BRINP3: variants seen among roughly 807,000 people sequenced by gnomAD.
The protein encoded by BRINP3 is BMP/retinoic acid inducible neural specific 3.
A neutral mutation model predicts 71.0 loss-of-function variants in BRINP3; 19 were observed. The observed-to-expected ratio is 0.27, with a 90% CI of 0.19 to 0.39. The LOEUF is 0.39. BRINP3 is among the 10% of genes least tolerant of loss of function. BRINP3 has a pLI of 1.00. For synonymous variants in BRINP3, 380 were observed against 337.7 expected (o/e 1.13, Z -1.37); for missense variants, 959 against 940.8 (o/e 1.02, Z -0.25).
At chr1:190,203,017 GC>G (rs1352962077) in intron 6 of BRINP3, among the ~76,000 whole-genome samples, 2 of 151,986 alleles carry the variant, frequency 1.3e-5, no homozygotes, top group Non-Finnish European at 2.9e-5. Context: ...AATAAACATG[GC>G]CTAGGAAGCT....
intron 7 of BRINP3, among the ~76,000 whole-genome samples, chr1:190,136,733 T>A (rs1404755913): frequency 6.6e-6 from 1 of 152,030 alleles, no homozygotes; most frequent in Non-Finnish European, 1.5e-5. Context: ...TTACCTTAAT[T>A]TTTACTCATA....
At chr1:190,305,434 T>C (rs981284966) in intron 2 of BRINP3, among the ~76,000 whole-genome samples, 1 of 151,922 alleles carries the variant, frequency 6.6e-6, no homozygotes, top group Non-Finnish European at 1.5e-5. Context: ...AAAAAACTCC[T>C]GTCATTTGCA....
chr1:190,314,747 G>C (rs567289135), intron 2 of BRINP3, among the ~76,000 whole-genome samples: 1 of 152,292 alleles, frequency 6.6e-6, no homozygotes, highest in South Asian at 2.1e-4. Context: ...CACTAAGCTT[G>C]TGGTAATTTG....
At chr1:190,368,189 G>A (rs1669631261) in intron 2 of BRINP3, among the ~76,000 whole-genome samples, 1 of 152,094 alleles carries the variant, frequency 6.6e-6, no homozygotes, top group South Asian at 2.1e-4. Context: ...GAGGCCTCAG[G>A]AAACTTACAA....
chr1:190,237,528 T>C (rs879940985), intron 4 of BRINP3, among the ~76,000 whole-genome samples: 1 of 151,948 alleles, frequency 6.6e-6, no homozygotes, highest in Non-Finnish European at 1.5e-5. Flanking sequence ...CAAATTCCCA[T>C]GATGGAAATT....
At chr1:190,340,014 A>C (rs556337593) in intron 2 of BRINP3, among the ~76,000 whole-genome samples, 2 of 152,062 alleles carry the variant, frequency 1.3e-5, no homozygotes, top group African/African-American at 4.8e-5. Flanking sequence ...GATTACACTT[A>C]CTACCTATGA....
chr1:190,128,736 C>T (rs1015656889), intron 7 of BRINP3, among the ~76,000 whole-genome samples: 22 of 151,762 alleles, frequency 1.4e-4, no homozygotes, highest in Non-Finnish European at 2.2e-4. Flanking sequence ...TACCTATGCA[C>T]GAAGTAGCAG....
At chr1:190,205,264 G>A (rs542359857) in intron 6 of BRINP3, among the ~76,000 whole-genome samples, 19 of 149,652 alleles carry the variant, frequency 1.3e-4, no homozygotes, top group African/African-American at 4.4e-4. Context: ...TGCAACTTCT[G>A]AGCAGAATCT....
chr1:190,242,783 TA>T (rs1320322972), intron 4 of BRINP3, among the ~76,000 whole-genome samples: 1 of 152,076 alleles, frequency 6.6e-6, no homozygotes, highest in Non-Finnish European at 1.5e-5. Flanking sequence ...CTGTGAATTA[TA>T]AAATTTAACC....
intron 4 of BRINP3, among the ~76,000 whole-genome samples, chr1:190,241,437 C>T (rs148690452): frequency 6.6e-6 from 1 of 152,086 alleles, no homozygotes; most frequent in African/African-American, 2.4e-5. Context: ...GTTTTGGAAA[C>T]TTTGCTTGGC....
At chr1:190,217,773 T>G (rs1378062149) in intron 6 of BRINP3, among the ~76,000 whole-genome samples, 1 of 152,004 alleles carries the variant, frequency 6.6e-6, no homozygotes, top group Non-Finnish European at 1.5e-5. Context: ...AATATCGACA[T>G]AACGGCATCC....
At chr1:190,099,610 T>A (rs1297863059) in intron 7 of BRINP3, among the ~76,000 whole-genome samples, 2 of 152,128 alleles carry the variant, frequency 1.3e-5, no homozygotes, top group East Asian at 3.8e-4. Context: ...AAACCACTAG[T>A]GTTGCAGGAA....
chr1:190,412,466 G>GT (rs1216884351), intron 2 of BRINP3, among the ~76,000 whole-genome samples: 4,090 of 105,864 alleles, frequency 0.039, 179 homozygotes, highest in African/African-American at 0.11. Flanking sequence ...GTTTTTTTTT[G>GT]TTTTTTTTTT....
In BRINP3 at chr1:190,098,546, G is replaced by C. The variant is rs1439881815; in HGVS notation, c.1773C>G (p.Asn591Lys). Reference sequence around the variant, plus strand: ...TAGTCCGCTCCCAGTCTGGAAAGCTGTTTTCATTCACAGGCATAAACCAGC... The same window carrying C: ...TAGTCCGCTCCCAGTCTGGAAAGCTCTTTTCATTCACAGGCATAAACCAGC... ...SESWFMPVNE[N>K]SFPDWERTKL... Residue 591 changes from asparagine to lysine, a missense_variant, in exon 8 of 8, where the codon AAC becomes AAG. Coordinates refer to ENST00000367462, the MANE Select transcript of BRINP3 (RefSeq NM_199051.3). 1.2e-6 allele frequency: 2 copies of C among 1,614,066 alleles called. No individual in the cohort carries two copies. Among genetic ancestry groups the C allele is most frequent in the African/African-American group, 2.7e-5 (2 of 74,926 alleles).
intron 6 of BRINP3, among the ~76,000 whole-genome samples, chr1:190,201,547 C>A (rs758790512): frequency 2.6e-5 from 4 of 152,164 alleles, no homozygotes; most frequent in Non-Finnish European, 4.4e-5. Context: ...GGGAAAATGT[C>A]TCCAGGGCAT....
At position 190,395,966 on chromosome 1, in the gene BRINP3, G is replaced by C. The variant is rs11810353; in HGVS notation, c.236+58689C>G. 7.7e-3 allele frequency among the ~76,000 whole-genome samples: 1,145 copies of C among 148,436 alleles called. 6 individuals are homozygous for C. The highest frequency in any genetic ancestry group is 0.014 in the Middle Eastern group (4 of 294). On this transcript the variant is annotated intron_variant, in intron 2 of 7. Transcript: ENST00000367462. ...AGAAAAATAATGAAAGAAAAGAGCA[G>C]AAGGAAAGAAGGAAGGAAGGAAGGA... is the stretch of plus-strand genomic sequence containing the variant.
chr1:190,234,465 G>C lies in BRINP3; in HGVS notation c.631C>G (p.Arg211Gly). 1 of 1,611,978 alleles carries C rather than the reference G, an allele frequency of 6.2e-7. No individual in the cohort carries two copies. ...TTACTGCAGCCAAGAGGACCAGTCC[G>C]TGTTTCTGTTACCTGGCAAACAAAA... is the stretch of plus-strand genomic sequence containing the variant. ...ASTAIKVTET[R>G]TGPLGCSNYD... The change falls in exon 5 of 8, where the codon CGG (arginine) becomes GGG (glycine). Residue 211 changes from arginine (R) to glycine (G), a missense_variant. Arg to Gly is a moderately radical substitution (Grantham distance 125). Coordinates refer to ENST00000367462, the MANE Select transcript of BRINP3 (RefSeq NM_199051.3).
chr1:190,305,620 T>A (rs1012047080), intron 2 of BRINP3, among the ~76,000 whole-genome samples: 5 of 151,644 alleles, frequency 3.3e-5, no homozygotes, highest in Non-Finnish European at 7.4e-5. Flanking sequence ...ACTGGTCAAT[T>A]GCTACAACAC....
intron 2 of BRINP3, among the ~76,000 whole-genome samples, chr1:190,381,319 G>A (rs927287807): frequency 1.3e-5 from 2 of 152,020 alleles, no homozygotes; most frequent in Admixed American, 6.6e-5. Context: ...CCGACGATCT[G>A]TGCAAAATTC....
Sources: allele counts gnomAD v4.1 joint callset (sites outside exome capture counted in the v4.1 genomes callset), GRCh38; gene constraint gnomAD v4.1.1; transcripts MANE v1.5; gene names NCBI Gene and HGNC (gene_info 2026-07-23, HGNC 2026-07-21).